PCID2: variants seen among roughly 807,000 people sequenced by gnomAD.
The protein encoded by PCID2 is PCI domain containing 2.
A neutral mutation model predicts 61.3 loss-of-function variants in PCID2; 41 were observed. The observed-to-expected ratio is 0.67, with a 90% CI of 0.52 to 0.87. The LOEUF (loss-of-function observed/expected upper bound fraction) is 0.87, where lower values mean the gene tolerates loss of function less well. Ranked by LOEUF, PCID2 falls within the 40% of genes least tolerant of loss-of-function variation. The probability of loss-of-function intolerance (pLI) is 0.00; values close to 1 mark genes in which losing one functional copy is unlikely to be tolerated. For missense variants in PCID2, 392 were observed against 493.4 expected (o/e 0.79, Z 1.95); for synonymous variants, 187 against 177.8 (o/e 1.05, Z -0.41).
At chr13:113,176,169 A>G (rs1014287481), downstream of PCID2, among the ~76,000 whole-genome samples, 2 of 152,224 alleles carry the variant, frequency 1.3e-5, no homozygotes, top group African/African-American at 2.4e-5. Flanking sequence ...GAGAGAGAGA[A>G]AGAGGGATTC....
intron 6 of PCID2, 93 bp downstream of exon 6, chr13:113,194,978 C>G: frequency 1.1e-5 from 10 of 931,594 alleles, no homozygotes; most frequent in Non-Finnish European, 1.8e-5. Flanking sequence ...CAATTTGCTC[C>G]TCAAAACTTC....
chr13:113,177,329 G>A (rs925471003), downstream of PCID2, among the ~76,000 whole-genome samples: 1 of 151,966 alleles, frequency 6.6e-6, no homozygotes, highest in East Asian at 1.9e-4. Flanking sequence ...TAGAGACGGG[G>A]TTTCTCCATG....
At chr13:113,182,783 C>T (rs552382476) in intron 9 of PCID2, among the ~76,000 whole-genome samples, 296 of 152,124 alleles carry the variant, frequency 1.9e-3, no homozygotes, top group Non-Finnish European at 3.5e-3. Flanking sequence ...CCACCGCGCC[C>T]GGCCAAAAAA....
intron 9 of PCID2, among the ~76,000 whole-genome samples, chr13:113,181,891 G>A (rs577229937): frequency 4.6e-5 from 7 of 152,170 alleles, no homozygotes; most frequent in Non-Finnish European, 8.8e-5. Flanking sequence ...TTCAGCACAT[G>A]CTAACAAGGA....
At chr13:113,186,300 A>G (rs1315618224) in intron 7 of PCID2, 3 of 152,264 alleles carry the variant, frequency 2.0e-5, no homozygotes, top group African/African-American at 7.2e-5. Context: ...CAGACAGATA[A>G]TACTGTAGGT....
chr13:113,193,476 G>A (rs1379702030), intron 6 of PCID2, among the ~76,000 whole-genome samples: 2 of 152,204 alleles, frequency 1.3e-5, no homozygotes, highest in African/African-American at 4.8e-5. Flanking sequence ...AAGGGGACCA[G>A]ATTGCCTCTG....
At position 113,180,055 on chromosome 13, in the gene PCID2, G is replaced by T; in HGVS notation, c.861-13C>A. On this transcript the variant is annotated splice_polypyrimidine_tract_variant and intron_variant, in intron 11 of 13. Transcript: ENST00000337344. ...CAGGTTGCCCTCGCTGGTGAGGGGG[G>T]AGGCGCGTCAGAAGGAGGGTGAGTT... The T allele has an allele frequency of 1.2e-6, 2 of 1,613,806 alleles. No homozygotes were observed. Among genetic ancestry groups the T allele is most frequent in the South Asian group, 1.1e-5 (1 of 91,084 alleles).
the PCID2 span, among the ~76,000 whole-genome samples, chr13:113,169,076 T>G: frequency 1.6e-4 from 25 of 152,310 alleles, no homozygotes; most frequent in East Asian, 2.7e-3. Context: ...TGCTCTGTTT[T>G]GGGACTCTAA....
chr13:113,186,775 G>A (rs969394182), intron 7 of PCID2: 4 of 152,202 alleles, frequency 2.6e-5, no homozygotes, highest in Non-Finnish European at 5.9e-5. Flanking sequence ...GCCACACAGC[G>A]GGGGTGTGTA....
At chr13:113,191,193 A>C (rs775325598) in intron 6 of PCID2, among the ~76,000 whole-genome samples, 1 of 151,572 alleles carries the variant, frequency 6.6e-6, no homozygotes, top group Non-Finnish European at 1.5e-5. Context: ...AATTTATTTT[A>C]ATATTTTTTT....
chr13:113,174,472 A>G (rs2037160149), downstream of PCID2, among the ~76,000 whole-genome samples: 1 of 152,192 alleles, frequency 6.6e-6, no homozygotes, highest in Non-Finnish European at 1.5e-5. Context: ...AAAACTCAAG[A>G]AAAGGGAAGC....
intron 9 of PCID2, among the ~76,000 whole-genome samples, chr13:113,182,666 A>G (rs564565736): frequency 6.6e-6 from 1 of 152,148 alleles, no homozygotes; most frequent in South Asian, 2.1e-4. Context: ...TTGCCCAGCT[A>G]ATTTTTTGTA....
chr13:113,203,077 G>A (rs1241690247), intron 1 of PCID2, among the ~76,000 whole-genome samples: 5 of 152,254 alleles, frequency 3.3e-5, no homozygotes, highest in Admixed American at 2.0e-4. Context: ...GCTTGTGAGT[G>A]CAGTGGGTAG....
rs749908696 is a variant in PCID2 at position 113,208,607 on chromosome 13, G to A, written c.28C>T (p.Leu10=). 7.5e-6 allele frequency: 12 copies of A among 1,609,110 alleles called. No individual in the cohort carries two copies. The highest frequency in any genetic ancestry group is 3.3e-5 in the Admixed American group (2 of 59,750). The change falls in exon 1 of 14, where the codon CTG becomes TTG. Residue 10 remains leucine (L), a synonymous_variant. Coordinates refer to ENST00000337344, the MANE Select transcript of PCID2 (RefSeq NM_001127202.4). The stretch of plus-strand genomic sequence containing the variant: ...CCCCGGCTAGGACCCACCTGCTGCA[G>A]GTACTGGTTAATGGTAATGTGCGCC... The part of the protein sequence containing the change: MAHITINQY[L]QQVYEAIDSR...
chr13:113,196,125 A>C, intron 5 of PCID2, 56 bp downstream of exon 5: 4 of 1,297,440 alleles, frequency 3.1e-6, no homozygotes, highest in Non-Finnish European at 4.5e-6. Context: ...ATTTGTAAAA[A>C]GATTCTGCTA....
chr13:113,190,875 T>C lies in PCID2; in HGVS notation c.464A>G (p.Asp155Gly). The change falls in exon 7 of 14, where the codon GAC becomes GGC. Residue 155 changes from aspartate (D) to glycine (G), a missense_variant. Coordinates refer to ENST00000337344, the MANE Select transcript of PCID2 (RefSeq NM_001127202.4). Reference sequence around the variant, plus strand: ...CGGTCCTCAAGTCCTTACTCACGTGTCGCTGGCACAGACCCGGAAACAGCT... The same window carrying C: ...CGGTCCTCAAGTCCTTACTCACGTGCCGCTGGCACAGACCCGGAAACAGCT... ...LMSCFRVCAS[D>G]TRAGIEDSKK... The C allele has an allele frequency of 6.2e-7, 1 of 1,604,704 alleles. No homozygotes were observed. Among genetic ancestry groups the C allele is most frequent in the Non-Finnish European group, 8.5e-7 (1 of 1,173,070 alleles).
At chr13:113,207,993 T>C in intron 1 of PCID2, 1 of 1,580,296 alleles carries the variant, frequency 6.3e-7, no homozygotes, top group Non-Finnish European at 8.7e-7. Flanking sequence ...TTTACAAGTG[T>C]CCATCTTTTA....
the PCID2 span, chr13:113,170,455 G>A: frequency 5.2e-5 from 84 of 1,610,692 alleles, no homozygotes; most frequent in East Asian, 3.8e-4. Context: ...CTGTGGTGGT[G>A]TTATAATACG....
At chr13:113,208,453 C>T in intron 1 of PCID2, 146 bp downstream of exon 1, 1 of 1,522,366 alleles carries the variant, frequency 6.6e-7, no homozygotes, top group African/African-American at 1.4e-5. Context: ...CGCTGTTCGG[C>T]TCGCGCGGCT....
Sources: gnomAD v4.1 joint callset for allele counts (sites outside exome capture counted in the v4.1 genomes callset) on GRCh38, gnomAD v4.1.1 for gene constraint, MANE v1.5 for transcripts, NCBI Gene and HGNC (gene_info 2026-07-23, HGNC 2026-07-21) for gene names.